The following RAD54B variants were observed in gnomAD, a reference collection of about 807,000 sequenced individuals.
RAD54B encodes the protein RAD54 homolog B.
A neutral mutation model predicts 95.8 loss-of-function variants in RAD54B; 78 were observed. That is an observed-to-expected ratio of 0.81 (90% CI 0.68 to 0.98). RAD54B has a LOEUF of 0.98. RAD54B is among the 50% of genes least tolerant of loss of function. The pLI, the probability that RAD54B is intolerant of heterozygous loss-of-function variation, is 0.00. For missense variants in RAD54B, 957 were observed against 1,056.6 expected (o/e 0.91, Z 1.31); for synonymous variants, 328 against 354.9 (o/e 0.92, Z 0.85).
intron 1 of RAD54B, among the ~76,000 whole-genome samples, chr8:94,472,193 T>TC (rs1813187355): frequency 6.6e-6 from 1 of 152,194 alleles, no homozygotes; most frequent in South Asian, 2.1e-4. Context: ...TTTTGACTGC[T>TC]TTAGAAGCAG....
chr8:94,432,378 C>G (rs886153940), intron 3 of RAD54B: 1 of 1,550,158 alleles, frequency 6.5e-7, no homozygotes, highest in Non-Finnish European at 8.7e-7. Flanking sequence ...ACTCTCATGC[C>G]GAAAAAAATC....
chr8:94,463,893 CAAAAAAAAA>C (rs553168595), intron 2 of RAD54B, among the ~76,000 whole-genome samples: 2 of 90,976 alleles, frequency 2.2e-5, no homozygotes, highest in Non-Finnish European at 4.4e-5. Flanking sequence ...GACCCTATCT[CAAAAAAAAA>C]AAAAAAAAAA....
Position 94,409,322 on chromosome 8 carries a change from C to CAA in RAD54B, c.500-1603_500-1602insTT, listed in dbSNP as rs1281189524. 3.3e-5 allele frequency among the ~76,000 whole-genome samples: 5 copies of CAA among 151,828 alleles called. No individual in the cohort carries two copies. In the South Asian group the frequency reaches 8.3e-4, roughly 25 times the overall value. On this transcript the variant is annotated intron_variant, in intron 4 of 14. Transcript: ENST00000336148. ...TCCCTACCATACAGGCCAAATAAAT[C>CAA]AGAGCCTCAAAGAAAGGTCAGAGTC...
At chr8:94,379,696 T>C (rs1258245394) in intron 12 of RAD54B, among the ~76,000 whole-genome samples, 1 of 152,202 alleles carries the variant, frequency 6.6e-6, no homozygotes, top group East Asian at 1.9e-4. Flanking sequence ...AGATGGGCTG[T>C]ACTCTAAAGA....
chr8:94,458,408 G>A lies in RAD54B; in HGVS notation c.164C>T (p.Pro55Leu), dbSNP rs754545921. The A allele has an allele frequency of 2.9e-5, 47 of 1,595,214 alleles. No homozygotes were observed. Among genetic ancestry groups the A allele is most frequent in the East Asian group, 1.8e-4 (8 of 43,990 alleles). The change falls in exon 3 of 15, where the codon CCG becomes CTG. Residue 55 changes from proline to leucine, a missense_variant. By Grantham distance (98) the Pro-to-Leu change is moderately conservative. Transcript: ENST00000336148. ...EGVAINNTFL[P>L]SQNDLRICSL... ...GCATATTCTAAGATCATTTTGTGAC[G>A]GGAGAAAGGTGTTATTAATTGCAAC...
At chr8:94,375,713 G>A (rs2046664) in intron 14 of RAD54B, among the ~76,000 whole-genome samples, 58,327 of 151,968 alleles carry the variant, frequency 0.38, 11,336 homozygotes, top group Admixed American at 0.5. Flanking sequence ...GTAACAATAC[G>A]GAAAGATCTC....
chr8:94,466,596 C>T (rs908103289), intron 2 of RAD54B, among the ~76,000 whole-genome samples: 1 of 152,126 alleles, frequency 6.6e-6, no homozygotes, highest in South Asian at 2.1e-4. Context: ...TTAGTAGAGA[C>T]GGAGTTTCAC....
intron 3 of RAD54B, among the ~76,000 whole-genome samples, chr8:94,452,247 A>G (rs946761267): frequency 7.9e-5 from 12 of 152,214 alleles, no homozygotes; most frequent in South Asian, 2.1e-4. Flanking sequence ...GTTTCTACAT[A>G]TGAATTTTGG....
intron 7 of RAD54B, 74 bp downstream of exon 7, chr8:94,400,164 G>C (rs1235658560): frequency 1.5e-6 from 2 of 1,352,878 alleles, no homozygotes; most frequent in African/African-American, 1.5e-5. Flanking sequence ...GAGTTAACAA[G>C]TAAAAACTGA....
chr8:94,441,504 G>A lies in RAD54B; in HGVS notation c.304+16764C>T, dbSNP rs149492721. On this transcript the variant is annotated intron_variant, in intron 3 of 14. Transcript: ENST00000336148. The stretch of plus-strand genomic sequence containing the variant: ...CAGCCAGATGTAAGAGATGCATAGG[G>A]CAAGTTATGGTGGAAGGGACACAAA... Among the ~76,000 whole-genome samples the A allele has an allele frequency of 2.4e-3, 360 of 152,296 alleles. 2 individuals carry two copies. The highest frequency in any genetic ancestry group is 7.6e-3 in the African/African-American group (315 of 41,572).
chr8:94,387,301 G>T, intron 10 of RAD54B, 142 bp from the exon 11 acceptor site: 1 of 637,904 alleles, frequency 1.6e-6, no homozygotes, highest in Non-Finnish European at 2.5e-6. Flanking sequence ...AATCTTTATA[G>T]GTCATGATTT....
At chr8:94,381,844 T>C (rs1207859913) in intron 11 of RAD54B, among the ~76,000 whole-genome samples, 1 of 152,090 alleles carries the variant, frequency 6.6e-6, no homozygotes, top group Non-Finnish European at 1.5e-5. Context: ...CCGGGCGCGG[T>C]GGCTCAAGCC....
chr8:94,398,897 A>C (rs765673640), intron 8 of RAD54B, among the ~76,000 whole-genome samples: 1 of 152,174 alleles, frequency 6.6e-6, no homozygotes, highest in South Asian at 2.1e-4. Context: ...TAGCATATAC[A>C]TATAAAAATA....
At chr8:94,461,539 T>G (rs1812904934) in intron 2 of RAD54B, among the ~76,000 whole-genome samples, 1 of 152,194 alleles carries the variant, frequency 6.6e-6, no homozygotes, top group South Asian at 2.1e-4. Flanking sequence ...ATAAATTTTT[T>G]TTATATTTTT....
intron 1 of RAD54B, among the ~76,000 whole-genome samples, chr8:94,468,295 G>A (rs1203391194): frequency 6.6e-6 from 1 of 152,048 alleles, no homozygotes; most frequent in Non-Finnish European, 1.5e-5. Flanking sequence ...TTCCTCGCTT[G>A]GCACCCTGCA....
intron 11 of RAD54B, 33 bp downstream of exon 11, chr8:94,386,951 T>C: frequency 6.7e-7 from 1 of 1,483,100 alleles, no homozygotes; most frequent in Non-Finnish European, 9.0e-7. Context: ...TAAAACTCTA[T>C]GAGCACTTAT....
chr8:94,401,828 C>G (rs1811272834), intron 6 of RAD54B, among the ~76,000 whole-genome samples: 1 of 152,054 alleles, frequency 6.6e-6, no homozygotes, highest in African/African-American at 2.4e-5. Context: ...AAATGTCAGC[C>G]CAATGAGATA....
rs757342587 is a variant in RAD54B, at chr8:94,372,187, G to C, written c.2716C>G (p.Gln906Glu). 1.2e-6 allele frequency: 2 copies of C among 1,607,230 alleles called. No homozygotes were observed. Among genetic ancestry groups the C allele is most frequent in the South Asian group, 1.1e-5 (1 of 89,606 alleles). The stretch of plus-strand genomic sequence containing the variant: ...ATCTTTCACTATGTGCCAGTAGCTT[G>C]AGTGGTTATATTCTGAAAAATGAAT... Reference protein sequence around the residue: ...VSFIFQNITTQATGT With the variant: ...VSFIFQNITTEATGT The change falls in exon 15 of 15, where the codon CAA becomes GAA. Residue 906 changes from glutamine (Q) to glutamate (E), a missense_variant. Gln to Glu is a conservative substitution (Grantham distance 29, BLOSUM62 2). Transcript: ENST00000336148.
chr8:94,424,692 T>A (rs1017799731), intron 3 of RAD54B, among the ~76,000 whole-genome samples: 3 of 152,148 alleles, frequency 2.0e-5, no homozygotes, highest in African/African-American at 7.2e-5. Flanking sequence ...ATTTTCCCCT[T>A]GACCCTGTAA....
Sources: allele counts gnomAD v4.1 joint callset (sites outside exome capture counted in the v4.1 genomes callset), GRCh38; gene constraint gnomAD v4.1.1; transcripts MANE v1.5; gene names NCBI Gene and HGNC (gene_info 2026-07-23, HGNC 2026-07-21).